Variants in SPTBN1 observed in about 807,000 individuals in gnomAD.
The protein encoded by SPTBN1 is spectrin beta, non-erythrocytic 1, also known as spectrin beta chain, non-erythrocytic 1.
SPTBN1 carries 32 observed loss-of-function variants against 266.4 expected under a neutral mutation model. The ratio of observed to expected loss-of-function variants is 0.12; its 90% CI spans 0.09 to 0.16. The LOEUF is 0.16. Among genes scored for constraint, SPTBN1 ranks in the 10% least tolerant of loss-of-function variants. The probability of loss-of-function intolerance (pLI) is 1.00; values close to 1 mark genes in which losing one functional copy is unlikely to be tolerated. For missense variants in SPTBN1, 2,296 were observed against 3,067.1 expected, an observed-to-expected ratio of 0.75 and a Z score of 5.94; for synonymous variants, 1,336 against 1,162.2, an observed-to-expected ratio of 1.15 and a Z score of -3.04.
intron 33 of SPTBN1, among the ~76,000 whole-genome samples, chr2:54,665,410 G>C (rs1409616149): frequency 2.0e-5 from 3 of 152,138 alleles, no homozygotes; most frequent in African/African-American, 7.2e-5. Context: ...CATACCATAG[G>C]GGAAAAGCCA....
chr2:54,504,731 AG>A (rs1396397428), intron 1 of SPTBN1, among the ~76,000 whole-genome samples: 2 of 152,154 alleles, frequency 1.3e-5, no homozygotes, highest in East Asian at 3.8e-4. Context: ...ATGGGTAGTG[AG>A]GGATGACTGT....
intron 1 of SPTBN1, among the ~76,000 whole-genome samples, chr2:54,464,865 A>G (rs1002142188): frequency 6.6e-6 from 1 of 151,646 alleles, no homozygotes; most frequent in Non-Finnish European, 1.5e-5. Flanking sequence ...TAAACCTTAA[A>G]TTTTTTTATA....
At chr2:54,606,914 GATTA>G (rs1676881634) in intron 3 of SPTBN1, among the ~76,000 whole-genome samples, 1 of 152,192 alleles carries the variant, frequency 6.6e-6, no homozygotes, top group South Asian at 2.1e-4. Context: ...CAGAATTTTA[GATTA>G]AGCCCACCCG....
At chr2:54,565,543 A>G (rs1002414776) in intron 2 of SPTBN1, among the ~76,000 whole-genome samples, 3 of 152,192 alleles carry the variant, frequency 2.0e-5, no homozygotes, top group Admixed American at 6.5e-5. Context: ...AAATAGAGAT[A>G]AACCTAATAG....
intron 1 of SPTBN1, among the ~76,000 whole-genome samples, chr2:54,521,434 A>G (rs536295184): frequency 6.6e-6 from 1 of 152,370 alleles, no homozygotes; most frequent in African/African-American, 2.4e-5. Context: ...CTTTGAACAG[A>G]TGGAGAATAT....
chr2:54,472,022 GTTTTTTTTTTT>G (rs768988675), intron 1 of SPTBN1, among the ~76,000 whole-genome samples: 34 of 66,802 alleles, frequency 5.1e-4, no homozygotes, highest in African/African-American at 1.9e-3. Context: ...CCCTGAAGAT[GTTTTTTTTTTT>G]TTTTTTTTTT....
intron 1 of SPTBN1, among the ~76,000 whole-genome samples, chr2:54,500,433 G>A (rs1385235515): frequency 2.0e-5 from 3 of 152,000 alleles, no homozygotes; most frequent in Admixed American, 6.6e-5. Context: ...GGAGGGGTGG[G>A]GTGTGTCTGC....
chr2:54,666,581 A>G (rs563769544), intron 34 of SPTBN1, among the ~76,000 whole-genome samples: 1 of 152,328 alleles, frequency 6.6e-6, no homozygotes, highest in East Asian at 1.9e-4. Context: ...CTCCCAGCAG[A>G]TGCTCCAGCT....
At chr2:54,647,951 C>A (rs1361607753) in intron 24 of SPTBN1, among the ~76,000 whole-genome samples, 1 of 152,152 alleles carries the variant, frequency 6.6e-6, no homozygotes, top group Non-Finnish European at 1.5e-5. Context: ...AAAGTAATTA[C>A]TAGTTTTAAG....
intron 1 of SPTBN1, among the ~76,000 whole-genome samples, chr2:54,525,191 G>A (rs1471437967): frequency 4.6e-5 from 7 of 152,178 alleles, no homozygotes; most frequent in South Asian, 2.1e-4. Flanking sequence ...AATAGCAAGC[G>A]TGTATTGAGC....
chr2:54,501,799 G>A (rs1669284741), intron 1 of SPTBN1, among the ~76,000 whole-genome samples: 1 of 152,206 alleles, frequency 6.6e-6, no homozygotes, highest in African/African-American at 2.4e-5. Context: ...AGCCTCTCTG[G>A]GGAGAGGACA....
At chr2:54,668,023 T>A (rs577381029) in intron 35 of SPTBN1, among the ~76,000 whole-genome samples, 41 of 152,240 alleles carry the variant, frequency 2.7e-4, no homozygotes, top group Admixed American at 7.8e-4. Context: ...AGTCCATTGA[T>A]GGAAAAACAA....
intron 1 of SPTBN1, among the ~76,000 whole-genome samples, chr2:54,517,863 C>G (rs907201455): frequency 4.6e-5 from 7 of 151,778 alleles, no homozygotes; most frequent in African/African-American, 1.5e-4. Context: ...CCAGGCTGGT[C>G]TCGAGCTCCT....
intron 29 of SPTBN1, among the ~76,000 whole-genome samples, chr2:54,657,034 C>G (rs1470356209): frequency 6.6e-6 from 1 of 152,236 alleles, no homozygotes; most frequent in African/African-American, 2.4e-5. Context: ...GACACCAACG[C>G]TGCCCACAGT....
At chr2:54,606,584 C>T (rs190028773) in intron 3 of SPTBN1, among the ~76,000 whole-genome samples, 2 of 152,290 alleles carry the variant, frequency 1.3e-5, no homozygotes, top group East Asian at 1.9e-4. Context: ...CCAGGAGCTT[C>T]GTTCAATCCA....
At chr2:54,618,284 T>C (rs1677756483) in intron 7 of SPTBN1, 91 bp downstream of exon 7, 2 of 1,121,424 alleles carry the variant, frequency 1.8e-6, no homozygotes, top group Admixed American at 2.5e-5. Context: ...TCTGTTTCAT[T>C]TGGGAGTTAT....
chr2:54,556,663 T>C (rs1435036985), intron 2 of SPTBN1, among the ~76,000 whole-genome samples: 1 of 150,158 alleles, frequency 6.7e-6, no homozygotes. Context: ...TCTCTTGTAG[T>C]CTTGATGTGG....
intron 30 of SPTBN1, among the ~76,000 whole-genome samples, chr2:54,658,712 A>G (rs907095817): frequency 6.6e-6 from 1 of 152,128 alleles, no homozygotes; most frequent in African/African-American, 2.4e-5. Flanking sequence ...TGGCTTTTTA[A>G]TGTGTTGTTT....
chr2:54,594,834 T>TTTC (rs1553455345), intron 2 of SPTBN1, among the ~76,000 whole-genome samples: 2 of 17,794 alleles, frequency 1.1e-4, no homozygotes, highest in East Asian at 8.4e-4. Flanking sequence ...GGTAAGTTTC[T>TTTC]TTTTTTTTTT....
Sources: gnomAD v4.1 joint callset for allele counts (sites outside exome capture counted in the v4.1 genomes callset) on GRCh38, gnomAD v4.1.1 for gene constraint, MANE v1.5 for transcripts, NCBI Gene and HGNC (gene_info 2026-07-23, HGNC 2026-07-21) for gene names.